The following NLGN1 variants were observed in gnomAD, a reference collection of about 807,000 sequenced individuals.
NLGN1 encodes the protein neuroligin 1.
In NLGN1, 12 loss-of-function variants were observed where a neutral mutation model predicts 65.5. That is an observed-to-expected ratio of 0.18 (90% CI 0.12 to 0.30). The LOEUF is 0.30. NLGN1 is among the 10% of genes least tolerant of loss of function. The pLI is 1.00. For synonymous variants in NLGN1, 350 were observed against 359.5 expected (o/e 0.97, Z 0.30); for missense variants, 750 against 1,007.1 (o/e 0.74, Z 3.46).
At chr3:173,940,237 C>T (rs1745815475) in intron 4 of NLGN1, among the ~76,000 whole-genome samples, 1 of 151,790 alleles carries the variant, frequency 6.6e-6, no homozygotes, top group East Asian at 1.9e-4. Flanking sequence ...TACAGGCATG[C>T]ACCACCACGC....
chr3:173,510,869 C>A (rs535089130), intron 2 of NLGN1, among the ~76,000 whole-genome samples: 3 of 152,150 alleles, frequency 2.0e-5, no homozygotes, highest in Non-Finnish European at 2.9e-5. Flanking sequence ...ATGAAGCATA[C>A]AATTTTCATT....
intron 4 of NLGN1, among the ~76,000 whole-genome samples, chr3:173,888,000 T>C (rs1734673873): frequency 6.6e-6 from 1 of 152,038 alleles, no homozygotes; most frequent in Non-Finnish European, 1.5e-5. Flanking sequence ...TCCCATTCCT[T>C]AAAATAAGCA....
chr3:173,985,021 A>G (rs1454752926), intron 4 of NLGN1, among the ~76,000 whole-genome samples: 1 of 152,186 alleles, frequency 6.6e-6, no homozygotes, highest in Non-Finnish European at 1.5e-5. Flanking sequence ...CAGCCTGGGC[A>G]ATAGAGGGAG....
At chr3:173,893,390 G>A (rs1193437229) in intron 4 of NLGN1, among the ~76,000 whole-genome samples, 1 of 152,102 alleles carries the variant, frequency 6.6e-6, no homozygotes, top group Non-Finnish European at 1.5e-5. Context: ...TGAAGTCTCA[G>A]TTTTTTCATC....
intron 4 of NLGN1, among the ~76,000 whole-genome samples, chr3:173,995,632 C>A (rs1468267980): frequency 6.9e-6 from 1 of 144,914 alleles, no homozygotes; most frequent in African/African-American, 2.6e-5. Context: ...TAGTGTTAGA[C>A]TTTTTTTGTT....
At chr3:174,209,553 T>C (rs946448937) in intron 4 of NLGN1, among the ~76,000 whole-genome samples, 24 of 151,848 alleles carry the variant, frequency 1.6e-4, no homozygotes, top group African/African-American at 5.8e-4. Context: ...TATTGTCACT[T>C]GAGAAAAGAT....
intron 2 of NLGN1, among the ~76,000 whole-genome samples, chr3:173,516,938 G>A (rs1052566914): frequency 6.6e-6 from 1 of 151,964 alleles, no homozygotes; most frequent in African/African-American, 2.4e-5. Flanking sequence ...GGATTCAAAA[G>A]ACTGATTCTA....
chr3:174,145,967 G>T (rs536804777), intron 4 of NLGN1, among the ~76,000 whole-genome samples: 1 of 152,334 alleles, frequency 6.6e-6, no homozygotes, highest in Non-Finnish European at 1.5e-5. Context: ...ACTAGTGTGT[G>T]TGCACACACT....
At chr3:174,239,507 A>G (rs4894467) in intron 4 of NLGN1, among the ~76,000 whole-genome samples, 65,192 of 151,962 alleles carry the variant, frequency 0.43, 14,117 homozygotes, top group East Asian at 0.58. Context: ...AGCTATTCCT[A>G]ATTGCATTTT....
chr3:173,555,800 T>C (rs1463441355), intron 2 of NLGN1, among the ~76,000 whole-genome samples: 1 of 152,160 alleles, frequency 6.6e-6, no homozygotes, highest in East Asian at 1.9e-4. Context: ...AGTTTTGATA[T>C]CAGGATTATA....
At position 173,683,670 on chromosome 3, in the gene NLGN1, C is replaced by T. The variant is rs568848366; in HGVS notation, c.493+78579C>T. ...ATTTATTCTTACTTTACTTCAGAAC[C>T]CATCCACATAATTAAAACACAAGTA... is the stretch of plus-strand genomic sequence containing the variant. On this transcript the variant is annotated intron_variant, in intron 3 of 6. Coordinates refer to ENST00000457714, the Ensembl canonical transcript of NLGN1. Among the ~76,000 whole-genome samples, 18 of 152,136 alleles carry T rather than the reference C, an allele frequency of 1.2e-4. No homozygotes were observed. The South Asian group carries it at 3.7e-3, about 32-fold the overall frequency.
At chr3:174,085,129 G>A (rs562133012) in intron 4 of NLGN1, among the ~76,000 whole-genome samples, 8 of 151,908 alleles carry the variant, frequency 5.3e-5, no homozygotes, top group Admixed American at 1.3e-4. Flanking sequence ...GCTCCTTAGG[G>A]ATGGATAGAT....
intron 1 of NLGN1, among the ~76,000 whole-genome samples, chr3:173,416,129 C>G (rs1388528025): frequency 6.6e-6 from 1 of 152,114 alleles, no homozygotes; most frequent in African/African-American, 2.4e-5. Context: ...ACATCACTTA[C>G]ATTATACTTG....
intron 3 of NLGN1, among the ~76,000 whole-genome samples, chr3:173,803,144 T>C (rs1366525673): frequency 6.6e-6 from 1 of 152,052 alleles, no homozygotes; most frequent in Non-Finnish European, 1.5e-5. Flanking sequence ...CCTGGCAGAA[T>C]TGTATATCTT....
At chr3:173,938,996 C>G (rs935680984) in intron 4 of NLGN1, among the ~76,000 whole-genome samples, 1 of 151,958 alleles carries the variant, frequency 6.6e-6, no homozygotes, top group Non-Finnish European at 1.5e-5. Context: ...CCAGAGGAAC[C>G]TATTTTAAAA....
chr3:173,650,866 C>T (rs939928056), intron 3 of NLGN1, among the ~76,000 whole-genome samples: 1 of 151,274 alleles, frequency 6.6e-6, no homozygotes. Context: ...TTATATTTGG[C>T]AGGACTGCTA....
At chr3:173,648,821 C>T (rs1758684633) in intron 3 of NLGN1, among the ~76,000 whole-genome samples, 2 of 152,056 alleles carry the variant, frequency 1.3e-5, no homozygotes, top group South Asian at 4.1e-4. Flanking sequence ...GTGATCCACC[C>T]ACCTTGGCAT....
chr3:173,404,455 C>T (rs779861358), intron 1 of NLGN1, among the ~76,000 whole-genome samples: 3 of 152,172 alleles, frequency 2.0e-5, no homozygotes, highest in Admixed American at 6.5e-5. Flanking sequence ...GAACTGGGCT[C>T]CTCGCCTCCA....
chr3:174,231,246 G>A lies in NLGN1; in HGVS notation c.647-44069G>A, dbSNP rs73882726. Among the ~76,000 whole-genome samples the A allele has an allele frequency of 1.8e-3, 272 of 152,290 alleles. 2 individuals are homozygous for A. The highest frequency in any genetic ancestry group is 6.2e-3 in the African/African-American group (258 of 41,552). ...GTTAAGTGAGTAATGAATGATTTGC[G>A]AATCGGAGAGTCCCAGAAGCACAGG... is the stretch of plus-strand genomic sequence containing the variant. On this transcript the variant is annotated intron_variant, in intron 4 of 6. Coordinates refer to ENST00000457714, the Ensembl canonical transcript of NLGN1.
Sources: allele counts gnomAD v4.1 joint callset (sites outside exome capture counted in the v4.1 genomes callset), GRCh38; gene constraint gnomAD v4.1.1; transcripts MANE v1.5; gene names NCBI Gene and HGNC (gene_info 2026-07-23, HGNC 2026-07-21).